MARCHF1: variants seen among roughly 807,000 people sequenced by gnomAD.
The protein encoded by MARCHF1 is membrane associated ring-CH-type finger 1, also known as E3 ubiquitin-protein ligase MARCHF1.
In MARCHF1, 40 loss-of-function variants were observed where a neutral mutation model predicts 54.2. The observed-to-expected ratio is 0.74, with a 90% CI of 0.57 to 0.96. The LOEUF (loss-of-function observed/expected upper bound fraction) is 0.96. MARCHF1 is among the 40% of genes least tolerant of loss of function. The pLI, the probability that MARCHF1 is intolerant of heterozygous loss-of-function variation, is 0.00. For synonymous variants in MARCHF1, 236 were observed against 236.3 expected, an observed-to-expected ratio of 1.00 and a Z score of 0.01; for missense variants, 586 against 656.5, an observed-to-expected ratio of 0.89 and a Z score of 1.17.
chr4:164,181,007 ATCATC>A (rs1730819755), intron 1 of MARCHF1, among the ~76,000 whole-genome samples: 1 of 152,152 alleles, frequency 6.6e-6, no homozygotes, highest in South Asian at 2.1e-4. Context: ...TAAAATTCTC[ATCATC>A]TCATTTCCTT....
At chr4:163,561,314 G>C (rs144826856) in intron 8 of MARCHF1, among the ~76,000 whole-genome samples, 2 of 152,154 alleles carry the variant, frequency 1.3e-5, no homozygotes, top group African/African-American at 4.8e-5. Flanking sequence ...TCTTCTAAAA[G>C]TATAATTGTT....
chr4:163,595,917 T>C (rs1419221466), intron 7 of MARCHF1, among the ~76,000 whole-genome samples: 1 of 151,924 alleles, frequency 6.6e-6, no homozygotes, highest in Admixed American at 6.6e-5. Context: ...TAAGGGTTTT[T>C]TAACCACAAT....
chr4:163,727,245 C>T lies in MARCHF1; in HGVS notation c.112-26382G>A, dbSNP rs116807668. Among the ~76,000 whole-genome samples the T allele has an allele frequency of 7.6e-3, 1,151 of 150,918 alleles. 8 individuals carry two copies. The highest frequency in any genetic ancestry group is 0.022 in the South Asian group (104 of 4,756). Reference sequence around the variant, plus strand: ...ATGGTTTTGTGTTTTACATTTAGGTCTTTGATCCATTTTGAATAAATTTTC... The same window carrying T: ...ATGGTTTTGTGTTTTACATTTAGGTTTTTGATCCATTTTGAATAAATTTTC... On this transcript the variant is annotated intron_variant, in intron 4 of 9. Coordinates refer to ENST00000514618, the MANE Select transcript of MARCHF1 (RefSeq NM_001394959.1).
chr4:163,923,723 G>A (rs1389042969), intron 3 of MARCHF1, among the ~76,000 whole-genome samples: 1 of 150,544 alleles, frequency 6.6e-6, no homozygotes, highest in Non-Finnish European at 1.5e-5. Flanking sequence ...ATACATTTAT[G>A]CTACAATATT....
At position 164,350,810 on chromosome 4, in the gene MARCHF1, G is replaced by C. The variant is rs562808426; in HGVS notation, c.-323+33060C>G. On this transcript the variant is annotated intron_variant, in intron 1 of 9. Coordinates refer to ENST00000514618, the MANE Select transcript of MARCHF1 (RefSeq NM_001394959.1). ...CCGGTCTACAGCTCCCAGCGTGAGC[G>C]ACGCAGAAGATGGGTGATTTCTGCA... is the stretch of plus-strand genomic sequence containing the variant. 5.2e-4 allele frequency among the ~76,000 whole-genome samples: 79 copies of C among 152,160 alleles called. 3 individuals carry two copies. The highest frequency in any genetic ancestry group is 6.5e-4 in the Non-Finnish European group (44 of 67,954).
At chr4:163,965,259 GGGAA>G (rs1389826508) in intron 3 of MARCHF1, among the ~76,000 whole-genome samples, 34 of 151,912 alleles carry the variant, frequency 2.2e-4, no homozygotes, top group African/African-American at 7.7e-4. Flanking sequence ...ATTCAAACGT[GGGAA>G]GGATCTCTCT....
At chr4:163,797,206 C>T (rs1194301749) in intron 4 of MARCHF1, among the ~76,000 whole-genome samples, 1 of 151,638 alleles carries the variant, frequency 6.6e-6, no homozygotes, top group East Asian at 1.9e-4. Context: ...TTATATTGCT[C>T]TCAGGTTTCT....
intron 8 of MARCHF1, among the ~76,000 whole-genome samples, chr4:163,566,332 A>G (rs1340906115): frequency 6.6e-6 from 1 of 152,130 alleles, no homozygotes; most frequent in African/African-American, 2.4e-5. Context: ...TGACTTGAAG[A>G]TTGTGGAAGT....
rs75372804 is a variant in MARCHF1 at position 164,048,803 on chromosome 4, C to G, written c.-247-60094G>C. On this transcript the variant is annotated intron_variant, in intron 2 of 9. Transcript: ENST00000514618. Reference sequence around the variant, plus strand: ...TTGGCAGAGTAAATTTTTTCATCTTCTTTTACTCAATAATCTCATTATCTT... The same window carrying G: ...TTGGCAGAGTAAATTTTTTCATCTTGTTTTACTCAATAATCTCATTATCTT... 7.0e-3 allele frequency among the ~76,000 whole-genome samples: 1,069 copies of G among 152,156 alleles called. 10 individuals are homozygous for G. Among genetic ancestry groups the G allele is most frequent in the East Asian group, 0.023 (121 of 5,158 alleles).
chr4:164,210,331 G>A (rs1400907388), intron 1 of MARCHF1, among the ~76,000 whole-genome samples: 1 of 152,132 alleles, frequency 6.6e-6, no homozygotes, highest in Non-Finnish European at 1.5e-5. Flanking sequence ...ATTATATAGA[G>A]AAGATGCAGA....
intron 1 of MARCHF1, among the ~76,000 whole-genome samples, chr4:164,254,126 GA>G (rs1374366830): frequency 6.6e-6 from 1 of 151,896 alleles, no homozygotes; most frequent in Non-Finnish European, 1.5e-5. Context: ...TTTTTTGAGA[GA>G]GTCTCATTCT....
chr4:163,856,675 T>C (rs1749774321), intron 3 of MARCHF1, among the ~76,000 whole-genome samples: 1 of 152,214 alleles, frequency 6.6e-6, no homozygotes, highest in Non-Finnish European at 1.5e-5. Context: ...TCAGGTATGT[T>C]AGAATCACAG....
At chr4:164,245,704 T>A (rs1732929140) in intron 1 of MARCHF1, among the ~76,000 whole-genome samples, 2 of 151,396 alleles carry the variant, frequency 1.3e-5, no homozygotes, top group East Asian at 1.9e-4. Flanking sequence ...GAAAACCCCA[T>A]CGTCTCAGCC....
chr4:164,369,594 T>C (rs1172370900), intron 1 of MARCHF1, among the ~76,000 whole-genome samples: 2 of 151,690 alleles, frequency 1.3e-5, no homozygotes, highest in Non-Finnish European at 3.0e-5. Context: ...AAAGTACATA[T>C]ATACATATGT....
At chr4:164,210,595 T>C (rs554053837) in intron 1 of MARCHF1, among the ~76,000 whole-genome samples, 2 of 152,244 alleles carry the variant, frequency 1.3e-5, no homozygotes, top group African/African-American at 4.8e-5. Context: ...CCTTGGTATA[T>C]AGATAGTGTT....
chr4:164,147,684 A>C (rs1463524535), intron 1 of MARCHF1, among the ~76,000 whole-genome samples: 1 of 98,908 alleles, frequency 1.0e-5, no homozygotes, highest in South Asian at 4.5e-4. Flanking sequence ...GGGTGGGGGG[A>C]GGGGGGAGGG....
At chr4:164,269,772 A>G in intron 1 of MARCHF1, among the ~76,000 whole-genome samples, 1 of 152,038 alleles carries the variant, frequency 6.6e-6, no homozygotes, top group Non-Finnish European at 1.5e-5. Context: ...TTCTTTTGTG[A>G]CTGGGGAGGG....
chr4:163,742,260 A>G (rs1226736542), intron 4 of MARCHF1, among the ~76,000 whole-genome samples: 1 of 152,100 alleles, frequency 6.6e-6, no homozygotes, highest in Non-Finnish European at 1.5e-5. Context: ...AATGATGTCA[A>G]ACAAATATGG....
At chr4:163,979,655 C>T (rs1752721424) in intron 3 of MARCHF1, among the ~76,000 whole-genome samples, 1 of 151,976 alleles carries the variant, frequency 6.6e-6, no homozygotes, top group African/African-American at 2.4e-5. Flanking sequence ...ACAAGTGTTC[C>T]TATTTCTCCA....
Sources: allele counts gnomAD v4.1 joint callset (sites outside exome capture counted in the v4.1 genomes callset), GRCh38; gene constraint gnomAD v4.1.1; transcripts MANE v1.5; gene names NCBI Gene and HGNC (gene_info 2026-07-23, HGNC 2026-07-21).